The following RAD23B variants were observed in gnomAD, a reference collection of about 807,000 sequenced individuals.
The protein encoded by RAD23B is lysine-specific demethylase RAD23B.
Under a neutral mutation model 49.1 loss-of-function variants are expected in RAD23B, and 5 were observed. That is an observed-to-expected ratio of 0.10 (90% CI 0.05 to 0.21). The LOEUF is 0.21. Ranked by LOEUF, RAD23B falls within the 10% of genes least tolerant of loss-of-function variation. The pLI is 1.00. For missense variants in RAD23B, 356 were observed against 486.7 expected (o/e 0.73, Z 2.53); for synonymous variants, 184 against 165.4 (o/e 1.11, Z -0.86).
intron 1 of RAD23B, among the ~76,000 whole-genome samples, chr9:107,295,228 G>A (rs1474510519): frequency 6.6e-6 from 1 of 151,712 alleles, no homozygotes; most frequent in Non-Finnish European, 1.5e-5. Context: ...TTAAGTTTTT[G>A]AAGAATTAGA....
chr9:107,298,925 C>T (rs774476563), intron 1 of RAD23B, among the ~76,000 whole-genome samples: 1 of 151,938 alleles, frequency 6.6e-6, no homozygotes, highest in Non-Finnish European at 1.5e-5. Context: ...TGGATTTCTA[C>T]TTTGGGGAAC....
At chr9:107,300,001 A>T in intron 1 of RAD23B, 140 bp from the exon 2 acceptor site, 1 of 1,114,474 alleles carries the variant, frequency 9.0e-7, no homozygotes, top group Non-Finnish European at 1.2e-6. Flanking sequence ...TTTGATATAA[A>T]TTGGAAAAAC....
chr9:107,309,313 A>G (rs934484377), intron 4 of RAD23B, among the ~76,000 whole-genome samples: 2 of 152,236 alleles, frequency 1.3e-5, no homozygotes, highest in Non-Finnish European at 2.9e-5. Flanking sequence ...CTGATACTAC[A>G]AGACAGTTAA....
chr9:107,292,387 A>G (rs1351539000), intron 1 of RAD23B, among the ~76,000 whole-genome samples: 1 of 152,210 alleles, frequency 6.6e-6, no homozygotes, highest in African/African-American at 2.4e-5. Context: ...TGCCTTTAAA[A>G]ATGCCTGGTC....
At chr9:107,299,399 A>G (rs963515745) in intron 1 of RAD23B, among the ~76,000 whole-genome samples, 4 of 152,202 alleles carry the variant, frequency 2.6e-5, no homozygotes, top group African/African-American at 9.7e-5. Context: ...TAAGAAGTTC[A>G]TTAGACTCAT....
At chr9:107,312,435 G>A (rs1422597732) in intron 5 of RAD23B, among the ~76,000 whole-genome samples, 1 of 152,158 alleles carries the variant, frequency 6.6e-6, no homozygotes, top group Non-Finnish European at 1.5e-5. Flanking sequence ...TTCCTGCTTA[G>A]CTTCTACAGC....
At position 107,329,748 on chromosome 9, in the gene RAD23B, A is replaced by G. The variant is rs888298480; in HGVS notation, c.*92A>G. 6 of 479,726 alleles carry G rather than the reference A, an allele frequency of 1.3e-5. No homozygotes were observed. The Admixed American group carries it at 1.4e-4, about 11-fold the overall frequency. The allele number at this position is 479,726 out of a possible 1,614,324, so 29.7% of individuals were successfully genotyped here. ...GGGATGACTTGGGCTCATATCCACA[A>G]TACTTGGTATAAGGTAGTAGATTGT... On this transcript the variant is annotated 3_prime_UTR_variant, in exon 10 of 10. Transcript: ENST00000358015.
At chr9:107,297,636 CCT>C (rs1237699221) in intron 1 of RAD23B, among the ~76,000 whole-genome samples, 1 of 151,918 alleles carries the variant, frequency 6.6e-6, no homozygotes, top group African/African-American at 2.4e-5. Flanking sequence ...CTGTGCCCAG[CCT>C]TAATATTTTT....
In RAD23B at chr9:107,331,743, C is replaced by T. The variant is rs774165127; in HGVS notation, c.*2087C>T. On this transcript the variant is annotated 3_prime_UTR_variant, in exon 10 of 10. Transcript: ENST00000358015. ...AGTGACAGCAGAAGGTGGCATGGAG[C>T]TTGTGTCCTTGGACAACAAATCTGG... 3.6e-5 allele frequency: 28 copies of T among 775,114 alleles called. No individual in the cohort carries two copies. Among genetic ancestry groups the T allele is most frequent in the South Asian group, 1.4e-5 (1 of 73,480 alleles). 48.0% of individuals were successfully genotyped at this position (775,114 alleles called of 1,614,324 possible).
intron 1 of RAD23B, among the ~76,000 whole-genome samples, chr9:107,294,357 G>A (rs1161922877): frequency 6.6e-6 from 1 of 152,166 alleles, no homozygotes. Context: ...TTATGTAGTG[G>A]GAAATGCAGC....
At chr9:107,302,908 G>A (rs766968838) in intron 3 of RAD23B, among the ~76,000 whole-genome samples, 42 of 151,970 alleles carry the variant, frequency 2.8e-4, no homozygotes, top group Non-Finnish European at 5.4e-4. Flanking sequence ...CGCCCGCCTC[G>A]GCCTCCCAAA....
chr9:107,284,416 A>C (rs750991522), intron 1 of RAD23B, among the ~76,000 whole-genome samples: 15 of 151,898 alleles, frequency 9.9e-5, no homozygotes, highest in Non-Finnish European at 4.4e-5. Flanking sequence ...GAAATCTTGG[A>C]ATTGTAGGAG....
intron 1 of RAD23B, among the ~76,000 whole-genome samples, chr9:107,294,780 G>A (rs929376683): frequency 2.0e-5 from 3 of 152,152 alleles, no homozygotes; most frequent in African/African-American, 7.2e-5. Flanking sequence ...TAGAAATACA[G>A]ATGACATCTG....
intron 1 of RAD23B, 116 bp downstream of exon 1, chr9:107,283,811 G>T (rs1833211457): frequency 1.9e-6 from 2 of 1,028,830 alleles, no homozygotes; most frequent in Non-Finnish European, 2.5e-6. Context: ...CGCGATGAGG[G>T]CCCTGGGTCC....
intron 2 of RAD23B, 91 bp from the exon 3 acceptor site, chr9:107,301,944 A>C: frequency 1.3e-6 from 2 of 1,494,316 alleles, no homozygotes; most frequent in Non-Finnish European, 1.8e-6. Context: ...ATATTTCTGA[A>C]ATATTCATAT....
Position 107,302,027 on chromosome 9 carries a change from TG to T in RAD23B, c.149-7del, listed in dbSNP as rs1826665698. The T allele has an allele frequency of 3.7e-6, 6 of 1,609,394 alleles. No homozygotes were observed. The highest frequency in any genetic ancestry group is 5.1e-6 in the Non-Finnish European group (6 of 1,178,874). ...CTTAAATGATTTTTTTTTCTCTTAA[TG>T]TATTAGGCAAAATCCTCAATGATGA... On this transcript the variant is annotated splice_region_variant and splice_polypyrimidine_tract_variant and intron_variant, in intron 2 of 9. Transcript: ENST00000358015.
chr9:107,290,392 T>TA (rs1280631369), intron 1 of RAD23B, among the ~76,000 whole-genome samples: 1 of 152,218 alleles, frequency 6.6e-6, no homozygotes, highest in Non-Finnish European at 1.5e-5. Flanking sequence ...ATCTTAATGA[T>TA]ACACTCCCTT....
rs1239285716 is a variant in RAD23B at position 107,283,460 on chromosome 9, G to T, written c.-170G>T. 1.7e-5 allele frequency: 8 copies of T among 480,222 alleles called. No individual in the cohort carries two copies. The highest frequency in any genetic ancestry group is 2.8e-5 in the Non-Finnish European group (8 of 282,962). The allele number at this position is 480,222 out of a possible 1,614,324, so 29.7% of individuals were successfully genotyped here. ...GGCAGCGGCGCGGTCCGGGGCACGGGCTGGGGGAGAGGCCGCTCCGCTGGG... is the reference window on the plus strand; with the variant it reads ...GGCAGCGGCGCGGTCCGGGGCACGGTCTGGGGGAGAGGCCGCTCCGCTGGG... On this transcript the variant is annotated 5_prime_UTR_variant, in exon 1 of 10. Coordinates refer to ENST00000358015, the MANE Select transcript of RAD23B (RefSeq NM_002874.5).
chr9:107,321,043 A>T (rs1462912164), intron 6 of RAD23B, among the ~76,000 whole-genome samples: 1 of 152,208 alleles, frequency 6.6e-6, no homozygotes, highest in Non-Finnish European at 1.5e-5. Flanking sequence ...ATTTTAAATG[A>T]CAAGTCTATC....
Sources: allele counts gnomAD v4.1 joint callset (sites outside exome capture counted in the v4.1 genomes callset), GRCh38; gene constraint gnomAD v4.1.1; transcripts MANE v1.5; gene names NCBI Gene and HGNC (gene_info 2026-07-23, HGNC 2026-07-21).